ALKAL1: variants seen among roughly 807,000 people sequenced by gnomAD.
The protein encoded by ALKAL1 is AUG-beta.
In ALKAL1, 23 loss-of-function variants were observed where a neutral mutation model predicts 13.5. The ratio of observed to expected loss-of-function variants is 1.70; its 90% CI spans 1.23 to 2.41. The LOEUF is 2.41. Among genes scored for constraint, ALKAL1 ranks in the 30% most tolerant of loss-of-function variants. The probability of loss-of-function intolerance (pLI) is 0.00; values close to 1 mark genes in which losing one functional copy is unlikely to be tolerated. For missense variants in ALKAL1, 181 were observed against 178.4 expected, an observed-to-expected ratio of 1.01 and a Z score of -0.08; for synonymous variants, 85 against 77.7, an observed-to-expected ratio of 1.09 and a Z score of -0.49.
intron 3 of ALKAL1, among the ~76,000 whole-genome samples, chr8:52,539,085 C>A (rs1034697246): frequency 6.6e-6 from 1 of 152,164 alleles, no homozygotes; most frequent in South Asian, 2.1e-4. Flanking sequence ...AGCCAACACT[C>A]CTGGCCTTTT....
chr8:52,542,043 C>T (rs1399706904), intron 2 of ALKAL1, among the ~76,000 whole-genome samples: 2 of 152,156 alleles, frequency 1.3e-5, no homozygotes, highest in Non-Finnish European at 2.9e-5. Flanking sequence ...GTCTTCATGG[C>T]TTACTCAATG....
intron 1 of ALKAL1, among the ~76,000 whole-genome samples, chr8:52,546,479 C>T (rs548680507): frequency 6.6e-5 from 10 of 152,350 alleles, no homozygotes; most frequent in African/African-American, 2.4e-4. Context: ...AGTTCTCATA[C>T]TTTAGCCCAG....
intron 1 of ALKAL1, among the ~76,000 whole-genome samples, chr8:52,563,734 C>T (rs1847572596): frequency 6.6e-6 from 1 of 152,212 alleles, no homozygotes; most frequent in Admixed American, 6.5e-5. Context: ...CTCCTGAGGG[C>T]TCCCCAGTGG....
In ALKAL1 at chr8:52,538,522, T is replaced by C; in HGVS notation, c.326-15A>G. The C allele has an allele frequency of 6.5e-7, 1 of 1,547,240 alleles. No homozygotes were observed. The highest frequency in any genetic ancestry group is 1.7e-4 in the Middle Eastern group (1 of 5,742). ...TCTTTTGTAATCTAGGAAAAACATTTAAAGGTAAATTATATATAGAGTTAC... is the reference window on the plus strand; with the variant it reads ...TCTTTTGTAATCTAGGAAAAACATTCAAAGGTAAATTATATATAGAGTTAC... On this transcript the variant is annotated splice_polypyrimidine_tract_variant and intron_variant, in intron 3 of 4. Transcript: ENST00000358543.
intron 1 of ALKAL1, among the ~76,000 whole-genome samples, chr8:52,545,512 C>A (rs1249247354): frequency 6.6e-6 from 1 of 151,628 alleles, no homozygotes; most frequent in Non-Finnish European, 1.5e-5. Context: ...CACCTCCCTC[C>A]CTGCACACAC....
intron 1 of ALKAL1, among the ~76,000 whole-genome samples, chr8:52,545,113 C>T (rs1415983229): frequency 6.6e-6 from 1 of 151,992 alleles, no homozygotes; most frequent in Non-Finnish European, 1.5e-5. Context: ...AACAATTATG[C>T]CTAAGTATTG....
At chr8:52,563,116 T>A (rs995802525) in intron 1 of ALKAL1, among the ~76,000 whole-genome samples, 1 of 152,240 alleles carries the variant, frequency 6.6e-6, no homozygotes, top group Non-Finnish European at 1.5e-5. Flanking sequence ...AAACTTCAGA[T>A]GGTTGCCGCT....
At chr8:52,537,255 A>G (rs1158370872) in intron 4 of ALKAL1, among the ~76,000 whole-genome samples, 2 of 152,256 alleles carry the variant, frequency 1.3e-5, no homozygotes, top group Non-Finnish European at 2.9e-5. Context: ...GAAAATGCAA[A>G]TCATAACCAT....
chr8:52,538,572 A>G, intron 3 of ALKAL1, 65 bp from the exon 4 acceptor site: 3 of 1,035,204 alleles, frequency 2.9e-6, no homozygotes, highest in Non-Finnish European at 4.4e-6. Flanking sequence ...AAATCCTGTT[A>G]TTATTGTCAC....
chr8:52,546,325 C>G (rs993628373), intron 1 of ALKAL1, among the ~76,000 whole-genome samples: 2 of 152,168 alleles, frequency 1.3e-5, no homozygotes, highest in African/African-American at 4.8e-5. Flanking sequence ...ACTACAAGGG[C>G]AGAACTGAGT....
intron 1 of ALKAL1, among the ~76,000 whole-genome samples, chr8:52,561,223 A>C (rs1454206453): frequency 2.0e-5 from 3 of 152,178 alleles, no homozygotes; most frequent in African/African-American, 7.2e-5. Context: ...CAATAGAGAG[A>C]ATTTGGGCTG....
At chr8:52,550,099 AT>A (rs1221975061) in intron 1 of ALKAL1, among the ~76,000 whole-genome samples, 1 of 152,176 alleles carries the variant, frequency 6.6e-6, no homozygotes, top group Non-Finnish European at 1.5e-5. Context: ...TTTTTATATC[AT>A]GCTTCTTCTA....
chr8:52,555,704 A>G (rs1343980239), intron 1 of ALKAL1, among the ~76,000 whole-genome samples: 3 of 152,032 alleles, frequency 2.0e-5, no homozygotes, highest in Non-Finnish European at 4.4e-5. Context: ...GAGCCCACCG[A>G]AATCATTCAA....
chr8:52,556,932 T>A (rs1847490229), intron 1 of ALKAL1, among the ~76,000 whole-genome samples: 1 of 152,202 alleles, frequency 6.6e-6, no homozygotes, highest in Non-Finnish European at 1.5e-5. Flanking sequence ...TAATTTTTAT[T>A]CTTTTGACTT....
intron 4 of ALKAL1, among the ~76,000 whole-genome samples, chr8:52,537,704 T>A (rs1000642427): frequency 1.3e-5 from 2 of 151,336 alleles, no homozygotes; most frequent in African/African-American, 4.9e-5. Flanking sequence ...TCATGTTAAG[T>A]GAAGTAAGTC....
intron 1 of ALKAL1, among the ~76,000 whole-genome samples, chr8:52,562,251 C>T (rs1447141157): frequency 1.3e-5 from 2 of 152,070 alleles, no homozygotes; most frequent in South Asian, 2.1e-4. Flanking sequence ...AGAAGGTCAC[C>T]GTAAAACTCT....
intron 3 of ALKAL1, 60 bp from the exon 4 acceptor site, chr8:52,538,567 CTGT>C (rs1847284913): frequency 9.0e-7 from 1 of 1,112,628 alleles, no homozygotes; most frequent in Non-Finnish European, 1.3e-6. Flanking sequence ...TGGGGAAATC[CTGT>C]TATTATTGTC....
At chr8:52,560,460 A>T (rs1476715700) in intron 1 of ALKAL1, among the ~76,000 whole-genome samples, 1 of 152,212 alleles carries the variant, frequency 6.6e-6, no homozygotes, top group Non-Finnish European at 1.5e-5. Flanking sequence ...AGCAACAAAG[A>T]TCTTAGAAAT....
Position 52,536,998 on chromosome 8 carries a change from A to G in ALKAL1, c.*12+1433T>C, listed in dbSNP as rs1004590333. 2.0e-5 allele frequency among the ~76,000 whole-genome samples: 3 copies of G among 152,214 alleles called. No homozygotes were observed. In the East Asian group the frequency reaches 5.8e-4, roughly 29 times the overall value. On this transcript the variant is annotated intron_variant, in intron 4 of 4. Coordinates refer to ENST00000358543, the MANE Select transcript of ALKAL1 (RefSeq NM_207413.4). The stretch of plus-strand genomic sequence containing the variant: ...GGCTTCCTGGCTTCTGACATTATTC[A>G]AACATTTTCTTAAGAAAATTAGGCT...
Sources: gnomAD v4.1 joint callset for allele counts (sites outside exome capture counted in the v4.1 genomes callset) on GRCh38, gnomAD v4.1.1 for gene constraint, MANE v1.5 for transcripts, NCBI Gene and HGNC (gene_info 2026-07-23, HGNC 2026-07-21) for gene names.